TOX: variants seen among roughly 807,000 people sequenced by gnomAD.
TOX encodes thymocyte selection associated high mobility group box, also known as thymocyte selection-associated high mobility group box protein TOX.
In TOX, 11 loss-of-function variants were observed where a neutral mutation model predicts 53.7. The observed-to-expected ratio is 0.20, with a 90% CI of 0.13 to 0.34. The LOEUF is 0.34. Ranked by LOEUF, TOX falls within the 10% of genes least tolerant of loss-of-function variation. The pLI is 1.00. For synonymous variants in TOX, 225 were observed against 245.3 expected (o/e 0.92, Z 0.77); for missense variants, 570 against 664.6 (o/e 0.86, Z 1.56).
intron 6 of TOX, among the ~76,000 whole-genome samples, chr8:58,816,045 A>C (rs1026129915): frequency 1.3e-5 from 2 of 152,234 alleles, no homozygotes; most frequent in African/African-American, 4.8e-5. Context: ...GGGAGAAGGC[A>C]GATGCCGTGA....
At position 58,808,175 on chromosome 8, in the gene TOX, C is replaced by A. The variant is rs1191517029; in HGVS notation, c.1487G>T (p.Gly496Val). Residue 496 changes from glycine to valine, a missense_variant, in exon 8 of 9, where the codon GGG (glycine) becomes GTG (valine). This residue lies in a region of TOX where 239 missense variants were observed against 250.7 expected (regional missense o/e 0.95). Transcript: ENST00000361421. ...VTQAMEYVRS[G>V]CRNPPPQPVD... ...CGGTTGTGGGGGAGGATTTCTGCAC[C>A]CCGAACGCACATACTCCATTGCCTG... The A allele has an allele frequency of 6.2e-7, 1 of 1,614,082 alleles. No homozygotes were observed.
chr8:59,036,470 T>C (rs572309715), intron 1 of TOX, among the ~76,000 whole-genome samples: 188 of 152,244 alleles, frequency 1.2e-3, no homozygotes, highest in Admixed American at 2.6e-3. Flanking sequence ...TTATTGAAAA[T>C]TCTTTTGAAT....
chr8:59,061,331 T>C (rs559560332), intron 1 of TOX, among the ~76,000 whole-genome samples: 1 of 152,168 alleles, frequency 6.6e-6, no homozygotes, highest in Admixed American at 6.5e-5. Flanking sequence ...TTGGTACTGA[T>C]TGTTGAGATA....
intron 1 of TOX, among the ~76,000 whole-genome samples, chr8:59,093,285 A>G (rs1162090036): frequency 6.6e-6 from 1 of 152,190 alleles, no homozygotes; most frequent in Admixed American, 6.5e-5. Flanking sequence ...ATCCACTTTC[A>G]TAAGTACCAC....
chr8:58,940,379 G>GA (rs1812417620), intron 2 of TOX, among the ~76,000 whole-genome samples: 1 of 151,298 alleles, frequency 6.6e-6, no homozygotes, highest in Non-Finnish European at 1.5e-5. Flanking sequence ...AGATAAAATA[G>GA]AAAGGGAGGG....
intron 1 of TOX, among the ~76,000 whole-genome samples, chr8:58,968,293 A>G (rs983573445): frequency 3.3e-5 from 5 of 152,228 alleles, no homozygotes; most frequent in African/African-American, 1.2e-4. Context: ...AGGGTGTCTG[A>G]TATCAGAAAA....
In TOX at chr8:58,965,894, G is replaced by GTTTTTTTTT. The variant is rs67045037; in HGVS notation, c.103-5895_103-5887dup. 9.3e-4 allele frequency among the ~76,000 whole-genome samples: 46 copies of GTTTTTTTTT among 49,630 alleles called. 11 individuals carry two copies. The highest frequency in any genetic ancestry group is 1.4e-3 in the African/African-American group (18 of 13,050). The allele number at this position is 49,630 out of a possible 152,430, so 32.6% of individuals were successfully genotyped here. A position where few individuals can be genotyped will look rare whatever the true frequency, so the allele number is the denominator to read the frequency against. The stretch of plus-strand genomic sequence containing the variant: ...GCCCAGTATAAGATTACGAGTCATC[G>GTTTTTTTTT]TTTTTTTTTTTTTTTTTTTTTTTTT... On this transcript the variant is annotated intron_variant, in intron 1 of 8. Coordinates refer to ENST00000361421, the MANE Select transcript of TOX (RefSeq NM_014729.3).
At chr8:59,080,981 T>C (rs1263495052) in intron 1 of TOX, among the ~76,000 whole-genome samples, 1 of 152,166 alleles carries the variant, frequency 6.6e-6, no homozygotes, top group Non-Finnish European at 1.5e-5. Context: ...TTATAAATTT[T>C]AGATGTTGTA....
At chr8:58,861,640 G>A (rs1811011011) in intron 3 of TOX, among the ~76,000 whole-genome samples, 1 of 152,206 alleles carries the variant, frequency 6.6e-6, no homozygotes, top group South Asian at 2.1e-4. Flanking sequence ...TGTAGGTTAA[G>A]TAATAAGAAA....
At chr8:58,993,465 G>A (rs1813494228) in intron 1 of TOX, among the ~76,000 whole-genome samples, 1 of 152,174 alleles carries the variant, frequency 6.6e-6, no homozygotes, top group Admixed American at 6.5e-5. Context: ...CCTAGTCTAG[G>A]AATCATTGCG....
chr8:58,924,851 T>C lies in TOX; in HGVS notation c.411+14451A>G, dbSNP rs571973063. 1.2e-4 allele frequency among the ~76,000 whole-genome samples: 19 copies of C among 152,368 alleles called. No individual in the cohort carries two copies. The South Asian group carries it at 3.9e-3, about 32-fold the overall frequency. Reference sequence around the variant, plus strand: ...GGCCTCTTCAGGAATATGTGTATTATAGTCATTTCTTTTTGGCTTACTTGG... The same window carrying C: ...GGCCTCTTCAGGAATATGTGTATTACAGTCATTTCTTTTTGGCTTACTTGG... On this transcript the variant is annotated intron_variant, in intron 3 of 8. Coordinates refer to ENST00000361421, the MANE Select transcript of TOX (RefSeq NM_014729.3).
At chr8:58,857,959 A>G (rs1810943412) in intron 3 of TOX, among the ~76,000 whole-genome samples, 1 of 152,112 alleles carries the variant, frequency 6.6e-6, no homozygotes, top group Non-Finnish European at 1.5e-5. Context: ...TAGTAAAGAC[A>G]GGGTTTCACC....
At chr8:59,106,181 A>G (rs1804897035) in intron 1 of TOX, among the ~76,000 whole-genome samples, 1 of 152,210 alleles carries the variant, frequency 6.6e-6, no homozygotes, top group Non-Finnish European at 1.5e-5. Context: ...TCAGAAATAT[A>G]TCCTTCCTTC....
intron 1 of TOX, among the ~76,000 whole-genome samples, chr8:59,070,781 C>T (rs1018694137): frequency 2.0e-5 from 3 of 152,102 alleles, no homozygotes; most frequent in Non-Finnish European, 4.4e-5. Context: ...GTTTCAACGT[C>T]ATCTTTGGAA....
intron 1 of TOX, among the ~76,000 whole-genome samples, chr8:59,006,248 C>T (rs1216861499): frequency 6.6e-6 from 1 of 152,212 alleles, no homozygotes; most frequent in Non-Finnish European, 1.5e-5. Context: ...TGCACACATA[C>T]ACAGGAAGAT....
chr8:58,964,576 T>C lies in TOX; in HGVS notation c.103-4568A>G, dbSNP rs1020015842. 2.6e-5 allele frequency among the ~76,000 whole-genome samples: 4 copies of C among 152,164 alleles called. No individual in the cohort carries two copies. In the East Asian group the frequency reaches 5.8e-4, roughly 22 times the overall value. ...CCATGGGCTTGTGGACAATTGTCAC[T>C]TGAAGTAGAATTATAGCTCTTGGTC... is the stretch of plus-strand genomic sequence containing the variant. On this transcript the variant is annotated intron_variant, in intron 1 of 8. Transcript: ENST00000361421.
intron 1 of TOX, among the ~76,000 whole-genome samples, chr8:58,964,264 C>A (rs1448496474): frequency 6.6e-6 from 1 of 152,152 alleles, no homozygotes; most frequent in African/African-American, 2.4e-5. Context: ...TGTATGCCCT[C>A]TCTCCAAAGA....
chr8:58,830,145 C>T (rs1402102017), intron 5 of TOX, among the ~76,000 whole-genome samples: 2 of 152,170 alleles, frequency 1.3e-5, no homozygotes, highest in South Asian at 2.1e-4. Flanking sequence ...AAATGGTCCA[C>T]AGCTGTTTGA....
intron 1 of TOX, among the ~76,000 whole-genome samples, chr8:59,024,258 T>G (rs1004487106): frequency 1.3e-5 from 2 of 152,202 alleles, no homozygotes; most frequent in East Asian, 1.9e-4. Context: ...TTTTCGCTTA[T>G]AGTTTAGAAA....
Sources: gnomAD v4.1 joint callset for allele counts (sites outside exome capture counted in the v4.1 genomes callset) on GRCh38, gnomAD v4.1.1 for gene constraint, gnomAD v4.1.1 regional missense constraint, MANE v1.5 for transcripts, NCBI Gene and HGNC (gene_info 2026-07-23, HGNC 2026-07-21) for gene names.